SLC6A11: variants seen among roughly 807,000 people sequenced by gnomAD.
The protein encoded by SLC6A11 is solute carrier family 6 member 11, also known as sodium- and chloride-dependent GABA transporter 3.
SLC6A11 carries 25 observed loss-of-function variants against 74.8 expected under a neutral mutation model. The ratio of observed to expected loss-of-function variants is 0.33; its 90% CI spans 0.24 to 0.47. SLC6A11 has a LOEUF of 0.47. Among genes scored for constraint, SLC6A11 ranks in the 20% least tolerant of loss-of-function variants. The pLI is 1.00. For synonymous variants in SLC6A11, 330 were observed against 330.2 expected (o/e 1.00, Z 0.01); for missense variants, 574 against 837.0 (o/e 0.69, Z 3.88).
chr3:10,854,089 A>G (rs943424595), intron 5 of SLC6A11, among the ~76,000 whole-genome samples: 2 of 152,242 alleles, frequency 1.3e-5, no homozygotes, highest in African/African-American at 4.8e-5. Flanking sequence ...AATATTTTTA[A>G]CAAGCTATTT....
intron 10 of SLC6A11, among the ~76,000 whole-genome samples, chr3:10,929,554 G>A (rs374468558): frequency 2.6e-5 from 4 of 152,170 alleles, no homozygotes; most frequent in East Asian, 1.9e-4. Context: ...GCTAAAGGCC[G>A]CGGCTGTTAT....
chr3:10,899,418 T>C lies in SLC6A11; in HGVS notation c.892-12672T>C, dbSNP rs1280035468. 2.6e-5 allele frequency among the ~76,000 whole-genome samples: 4 copies of C among 152,252 alleles called. No homozygotes were observed. The East Asian group carries it at 7.7e-4, about 29-fold the overall frequency. The stretch of plus-strand genomic sequence containing the variant: ...TTCTGTTTCATATGGAATTGAGTAA[T>C]ATCTTCCTGCATCCTTGGTATGACT... On this transcript the variant is annotated intron_variant, in intron 6 of 13. Transcript: ENST00000254488.
chr3:10,894,036 G>C (rs1201583344), intron 6 of SLC6A11, among the ~76,000 whole-genome samples: 1 of 152,186 alleles, frequency 6.6e-6, no homozygotes, highest in African/African-American at 2.4e-5. Context: ...CAAGGCCACT[G>C]TGTCCCACAC....
At chr3:10,823,660 G>A (rs539954843) in intron 4 of SLC6A11, 2 of 377,840 alleles carry the variant, frequency 5.3e-6, no homozygotes, top group Non-Finnish European at 9.8e-6. Context: ...CTTGGTGAAA[G>A]GATAGACAGT....
chr3:10,880,448 T>C (rs781358963), intron 6 of SLC6A11, among the ~76,000 whole-genome samples: 6 of 152,170 alleles, frequency 3.9e-5, no homozygotes, highest in Non-Finnish European at 8.8e-5. Context: ...AGTTGCAGTA[T>C]TCAGGCCTCT....
At position 10,819,952 on chromosome 3, in the gene SLC6A11, C is replaced by T. The variant is rs536406101; in HGVS notation, c.532+100C>T. The T allele has an allele frequency of 2.7e-4, 351 of 1,288,412 alleles. 2 individuals carry two copies. In the East Asian group the frequency reaches 6.3e-3, roughly 23 times the overall value. 79.8% of individuals were successfully genotyped at this position (1,288,412 alleles called of 1,614,324 possible). The stretch of plus-strand genomic sequence containing the variant: ...CCAGTCCTGGTCCCTGGCCTCTCGT[C>T]ATGAGTCCAGTTTTCTAGGGTAGTC... On this transcript the variant is annotated intron_variant, in intron 3 of 13. Transcript: ENST00000254488.
intron 3 of SLC6A11, among the ~76,000 whole-genome samples, chr3:10,820,658 T>C (rs1438263157): frequency 6.6e-6 from 1 of 152,208 alleles, no homozygotes; most frequent in South Asian, 2.1e-4. Context: ...CCTATTAGCA[T>C]TGAGTTTTAT....
At chr3:10,850,739 A>G (rs1238175333) in intron 5 of SLC6A11, among the ~76,000 whole-genome samples, 1 of 152,210 alleles carries the variant, frequency 6.6e-6, no homozygotes, top group East Asian at 1.9e-4. Context: ...AATTTTTTCT[A>G]AGAGTGTTGG....
chr3:10,843,832 G>GC (rs918732439), intron 4 of SLC6A11, among the ~76,000 whole-genome samples: 1 of 152,166 alleles, frequency 6.6e-6, no homozygotes, highest in African/African-American at 2.4e-5. Context: ...AAGTCCAATG[G>GC]CCCCCCTCAA....
intron 5 of SLC6A11, among the ~76,000 whole-genome samples, chr3:10,873,399 GCTATC>G (rs1376789414): frequency 2.0e-4 from 18 of 90,686 alleles, no homozygotes; most frequent in African/African-American, 5.4e-4. Flanking sequence ...CCTATCCTAT[GCTATC>G]CTATCCTATC....
chr3:10,846,400 C>T (rs1694503683), intron 5 of SLC6A11, among the ~76,000 whole-genome samples: 1 of 152,186 alleles, frequency 6.6e-6, no homozygotes, highest in African/African-American at 2.4e-5. Flanking sequence ...TGGGGCTTGG[C>T]GGGGTGGTGG....
At chr3:10,930,310 T>C (rs1695668713) in intron 10 of SLC6A11, among the ~76,000 whole-genome samples, 1 of 151,990 alleles carries the variant, frequency 6.6e-6, no homozygotes, top group Admixed American at 6.6e-5. Flanking sequence ...CGATCTATGG[T>C]CCACCTGTTC....
intron 7 of SLC6A11, among the ~76,000 whole-genome samples, chr3:10,912,649 C>G (rs1695402439): frequency 6.6e-6 from 1 of 152,244 alleles, no homozygotes; most frequent in Non-Finnish European, 1.5e-5. Flanking sequence ...TAACATGTCT[C>G]TCTGGCCTCC....
chr3:10,833,180 A>G (rs1167323157), intron 4 of SLC6A11, among the ~76,000 whole-genome samples: 21 of 151,650 alleles, frequency 1.4e-4, no homozygotes, highest in African/African-American at 2.4e-5. Flanking sequence ...TCCCACCTCA[A>G]CCTCCCAAGT....
intron 8 of SLC6A11, among the ~76,000 whole-genome samples, chr3:10,921,764 T>C (rs1452446979): frequency 6.6e-6 from 1 of 151,980 alleles, no homozygotes; most frequent in Non-Finnish European, 1.5e-5. Context: ...AAGACACAGA[T>C]AAAGTATAAA....
At position 10,816,916 on chromosome 3, in the gene SLC6A11, TCA is replaced by T. The variant is rs1694070272; in HGVS notation, c.256+396_256+397del. On this transcript the variant is annotated intron_variant, in intron 1 of 13. Transcript: ENST00000254488. This position sits in a 1 kb window ranked among gnomAD's most constrained non-coding sequence, Gnocchi z 4.2. ...GGGACTCCTGATGATCAAAGTGGTC[TCA>T]GTTTTTGCGCGCTTACTGAAGTGCC... Among the ~76,000 whole-genome samples, 3 of 152,342 alleles carry T rather than the reference TCA, an allele frequency of 2.0e-5. No homozygotes were observed. The East Asian group carries it at 5.8e-4, about 29-fold the overall frequency.
chr3:10,880,177 G>C (rs1009672029), intron 6 of SLC6A11, among the ~76,000 whole-genome samples: 1 of 152,178 alleles, frequency 6.6e-6, no homozygotes, highest in African/African-American at 2.4e-5. Flanking sequence ...GAGTAGATTA[G>C]GAAGAGGGGT....
intron 6 of SLC6A11, among the ~76,000 whole-genome samples, chr3:10,890,619 C>T (rs568917861): frequency 1.4e-4 from 21 of 152,380 alleles, no homozygotes; most frequent in African/African-American, 5.0e-4. Context: ...ACGCTGTCAT[C>T]ATCCCTGTGA....
At chr3:10,889,175 A>G (rs1014729418) in intron 6 of SLC6A11, among the ~76,000 whole-genome samples, 8 of 152,220 alleles carry the variant, frequency 5.3e-5, no homozygotes, top group Middle Eastern at 3.4e-3. Context: ...TCCCATATAC[A>G]CCCCACACCT....
Sources: gnomAD v4.1 joint callset for allele counts (sites outside exome capture counted in the v4.1 genomes callset) on GRCh38, gnomAD v4.1.1 for gene constraint, Gnocchi (gnomAD v3.1) non-coding constraint, MANE v1.5 for transcripts, NCBI Gene and HGNC (gene_info 2026-07-23, HGNC 2026-07-21) for gene names.